Variants in ST18 observed in about 807,000 individuals in gnomAD.
The protein encoded by ST18 is ST18 C2H2C-type zinc finger transcription factor, also known as suppression of tumorigenicity 18 protein.
A neutral mutation model predicts 110.0 loss-of-function variants in ST18; 50 were observed. The ratio of observed to expected loss-of-function variants is 0.45; its 90% confidence interval spans 0.36 to 0.58. The LOEUF (loss-of-function observed/expected upper bound fraction) is 0.58, where lower values mean the gene tolerates loss of function less well. Among genes scored for constraint, ST18 ranks in the 20% least tolerant of loss-of-function variants. The pLI is 0.00. For missense variants in ST18, 1,306 were observed against 1,280.1 expected (o/e 1.02, Z -0.31); for synonymous variants, 461 against 452.4 (o/e 1.02, Z -0.24).
intron 2 of ST18, among the ~76,000 whole-genome samples, chr8:52,311,736 A>C (rs1403003867): frequency 1.3e-5 from 2 of 152,152 alleles, no homozygotes; most frequent in African/African-American, 4.8e-5. Flanking sequence ...AGATCTTGTG[A>C]TAACTCACTC....
chr8:52,183,902 C>T (rs904108907), intron 8 of ST18, among the ~76,000 whole-genome samples: 3 of 152,198 alleles, frequency 2.0e-5, no homozygotes, highest in African/African-American at 7.2e-5. Context: ...CTGTGCATTT[C>T]TCCACTGGAA....
intron 22 of ST18, among the ~76,000 whole-genome samples, chr8:52,126,463 T>C (rs2047114720): frequency 1.3e-5 from 2 of 152,268 alleles, no homozygotes; most frequent in Non-Finnish European, 2.9e-5. Context: ...GTGGTTACTT[T>C]ATTTTCTGTA....
chr8:52,176,027 CTT>C (rs771680772), intron 9 of ST18, among the ~76,000 whole-genome samples: 12 of 145,314 alleles, frequency 8.3e-5, no homozygotes, highest in African/African-American at 1.3e-4. Context: ...TCAGCTAACT[CTT>C]TTTTTTTTTT....
At chr8:52,279,477 G>A (rs2095334811) in intron 2 of ST18, among the ~76,000 whole-genome samples, 1 of 152,018 alleles carries the variant, frequency 6.6e-6, no homozygotes, top group Admixed American at 6.6e-5. Context: ...ATATTAAGAA[G>A]AATCGGGGAA....
chr8:52,363,037 C>T (rs994367845), intron 2 of ST18, among the ~76,000 whole-genome samples: 13 of 152,096 alleles, frequency 8.5e-5, no homozygotes, highest in African/African-American at 2.9e-4. Flanking sequence ...TGGTGAAACC[C>T]GTCTCTACTA....
chr8:52,136,526 G>A, intron 19 of ST18, 64 bp downstream of exon 19: 2 of 1,477,508 alleles, frequency 1.4e-6, no homozygotes, highest in Non-Finnish European at 1.9e-6. Flanking sequence ...CAATGAATGG[G>A]CACTGAACGA....
chr8:52,400,821 T>A (rs566820539), intron 2 of ST18, among the ~76,000 whole-genome samples: 3 of 152,168 alleles, frequency 2.0e-5, no homozygotes, highest in Non-Finnish European at 4.4e-5. Context: ...CATTTTGATG[T>A]TTAACCTTCA....
intron 2 of ST18, among the ~76,000 whole-genome samples, chr8:52,360,327 A>G (rs186930511): frequency 3.9e-5 from 6 of 152,242 alleles, no homozygotes; most frequent in African/African-American, 1.4e-4. Flanking sequence ...GTATATTTAA[A>G]ATATCTTATT....
Position 52,113,223 on chromosome 8 carries a change from T to C in ST18, c.3119A>G (p.Gln1040Arg). Reference protein sequence around the residue: ...ECKALLESIKQAVKGIHV With the variant: ...ECKALLESIKRAVKGIHV ...CTACACATGGATACCCTTCACTGCC[T>C]GTTTGATACTTTCCAGTAGAGCTTT... The change falls in exon 26 of 26, where the codon CAG (glutamine) becomes CGG (arginine). Residue 1040 changes from glutamine (Q) to arginine (R), a missense_variant. Physicochemically the swap from Gln to Arg is conservative, Grantham distance 43 (BLOSUM62 1). Transcript: ENST00000689386. The C allele has an allele frequency of 2.5e-6, 4 of 1,614,152 alleles. No individual in the cohort carries two copies. The highest frequency in any genetic ancestry group is 3.4e-6 in the Non-Finnish European group (4 of 1,179,972).
rs35705625 is a variant in ST18, at chr8:52,149,918, T to C, written c.1866A>G (p.Arg622=). 1.2e-6 allele frequency: 2 copies of C among 1,614,148 alleles called. No individual in the cohort carries two copies. The highest frequency in any genetic ancestry group is 2.2e-5 in the South Asian group (2 of 91,082). The part of the protein sequence containing the change: ...GTLDLSMKKN[R]ILDKSAPLTS... ...TTAGGGGTGCAGACTTGTCCAGGAT[T>C]CGATTTTTTTTCATGCTTAAGTCCA... Residue 622 remains arginine, a synonymous_variant, in exon 16 of 26, where the codon CGA becomes CGG. Transcript: ENST00000689386.
intron 8 of ST18, among the ~76,000 whole-genome samples, chr8:52,187,389 C>A (rs1321432182): frequency 6.6e-6 from 1 of 152,204 alleles, no homozygotes; most frequent in Non-Finnish European, 1.5e-5. Flanking sequence ...CTCAGGCAGT[C>A]TGGACCTAAA....
At chr8:52,269,871 T>G (rs1037366225) in intron 2 of ST18, among the ~76,000 whole-genome samples, 1 of 152,218 alleles carries the variant, frequency 6.6e-6, no homozygotes, top group African/African-American at 2.4e-5. Flanking sequence ...CAGCACTCTC[T>G]GCAGAAACAT....
Position 52,160,466 on chromosome 8 carries a change from G to T in ST18, c.1594+909C>A, listed in dbSNP as rs192658015. ...TCACATAATGAGGTAAACATTCTGT[G>T]CTCTTAAGACCACTCAGTTTCCATA... On this transcript the variant is annotated intron_variant, in intron 14 of 25. Transcript: ENST00000689386. 6.6e-5 allele frequency among the ~76,000 whole-genome samples: 10 copies of T among 152,286 alleles called. No individual in the cohort carries two copies. The East Asian group carries it at 1.7e-3, about 26-fold the overall frequency.
At chr8:52,388,787 G>A (rs1186502788) in intron 2 of ST18, among the ~76,000 whole-genome samples, 2 of 142,152 alleles carry the variant, frequency 1.4e-5, no homozygotes, top group African/African-American at 2.6e-5. Context: ...GACACAGGAA[G>A]GGGAACATCA....
intron 2 of ST18, among the ~76,000 whole-genome samples, chr8:52,349,116 T>C (rs970850631): frequency 3.3e-5 from 5 of 152,170 alleles, no homozygotes; most frequent in Non-Finnish European, 7.3e-5. Flanking sequence ...GCTCGTTTTT[T>C]GTTAAATCTG....
At position 52,159,127 on chromosome 8, in the gene ST18, G is replaced by A; in HGVS notation, c.1595-18C>T. The A allele has an allele frequency of 1.2e-6, 2 of 1,608,484 alleles. No individual in the cohort carries two copies. Among genetic ancestry groups the A allele is most frequent in the South Asian group, 1.1e-5 (1 of 90,640 alleles). On this transcript the variant is annotated intron_variant, in intron 14 of 25. Coordinates refer to ENST00000689386, the MANE Select transcript of ST18 (RefSeq NM_001352837.2). ...ATGCTTTGCTGTTGAAGAGAGATTT[G>A]ATTAGCAATTGCATGTACATGGTTT...
At chr8:52,167,214 T>C (rs1432892604) in intron 10 of ST18, among the ~76,000 whole-genome samples, 1 of 152,228 alleles carries the variant, frequency 6.6e-6, no homozygotes, top group African/African-American at 2.4e-5. Flanking sequence ...CAAGAGAGTG[T>C]TAAAATACAG....
At chr8:52,174,181 C>T (rs768770349) in intron 9 of ST18, among the ~76,000 whole-genome samples, 2 of 152,128 alleles carry the variant, frequency 1.3e-5, no homozygotes, top group East Asian at 3.9e-4. Context: ...GCTGGATAAA[C>T]AGGCACATAA....
At chr8:52,253,344 C>T (rs890907554) in intron 2 of ST18, among the ~76,000 whole-genome samples, 2 of 152,000 alleles carry the variant, frequency 1.3e-5, no homozygotes, top group African/African-American at 4.8e-5. Flanking sequence ...TTGAAATCAT[C>T]CTTCTGCAAA....
Sources: gnomAD v4.1 joint callset for allele counts (sites outside exome capture counted in the v4.1 genomes callset) on GRCh38, gnomAD v4.1.1 for gene constraint, MANE v1.5 for transcripts, NCBI Gene and HGNC (gene_info 2026-07-23, HGNC 2026-07-21) for gene names.